The following HMGCS1 variants were observed in gnomAD, a reference collection of about 807,000 sequenced individuals.
HMGCS1 encodes hydroxymethylglutaryl-CoA synthase, cytoplasmic.
HMGCS1 carries 9 observed loss-of-function variants against 52.3 expected under a neutral mutation model. The observed-to-expected ratio is 0.17, with a 90% confidence interval of 0.10 to 0.30. HMGCS1 has a LOEUF of 0.30. Ranked by LOEUF, HMGCS1 falls within the 10% of genes least tolerant of loss-of-function variation. HMGCS1 has a pLI of 1.00. For synonymous variants in HMGCS1, 176 were observed against 214.4 expected (o/e 0.82, Z 1.57); for missense variants, 320 against 620.9 (o/e 0.52, Z 5.15).
chr5:43,305,008 C>T (rs1195944125), intron 2 of HMGCS1, among the ~76,000 whole-genome samples: 3 of 150,538 alleles, frequency 2.0e-5, no homozygotes, highest in Non-Finnish European at 4.4e-5. Context: ...TTTTTTGAGA[C>T]GGAGTTTCGC....
chr5:43,310,139 C>G (rs1017390169), intron 1 of HMGCS1, among the ~76,000 whole-genome samples: 4 of 152,198 alleles, frequency 2.6e-5, no homozygotes, highest in African/African-American at 9.7e-5. Context: ...CAAGTAAAAA[C>G]TAATGTTAAG....
chr5:43,305,407 A>T (rs546786137), intron 2 of HMGCS1, among the ~76,000 whole-genome samples: 104 of 152,352 alleles, frequency 6.8e-4, no homozygotes, highest in Admixed American at 3.7e-3. Context: ...TACAGGTCTG[A>T]GGTGCTCACA....
rs946341483 is a variant in HMGCS1, at chr5:43,290,931, A to C, written c.*200T>G. 7 of 543,836 alleles carry C rather than the reference A, an allele frequency of 1.3e-5. No homozygotes were observed. The highest frequency in any genetic ancestry group is 2.3e-5 in the Non-Finnish European group (7 of 302,476). The allele number at this position is 543,836 out of a possible 1,614,324, so 33.7% of individuals were successfully genotyped here. On this transcript the variant is annotated 3_prime_UTR_variant, in exon 11 of 11. Transcript: ENST00000325110. ...GTACATTTGGCATTGGCCAGACCAC[A>C]ACAGGAAGCATGTCAGCAAATAGAG...
At chr5:43,306,753 C>T (rs1487261716) in intron 2 of HMGCS1, among the ~76,000 whole-genome samples, 1 of 152,180 alleles carries the variant, frequency 6.6e-6, no homozygotes, top group East Asian at 1.9e-4. Flanking sequence ...CCAAGTTTCT[C>T]CTCTATTATT....
At chr5:43,293,115 A>T in intron 8 of HMGCS1, 142 bp from the exon 9 acceptor site, 1 of 652,018 alleles carries the variant, frequency 1.5e-6, no homozygotes, top group Non-Finnish European at 2.6e-6. Flanking sequence ...TTAAAAGATA[A>T]GATGATACCT....
Position 43,298,226 on chromosome 5 carries a change from G to A in HMGCS1, c.449-92C>T. ...GTCTGTTATATTTTCCCCAGAATAT[G>A]CTTTTCCCTTCTTTGATAAAGAAAG... On this transcript the variant is annotated intron_variant, in intron 3 of 10. Transcript: ENST00000325110. This position sits in a 1 kb window ranked among gnomAD's most constrained non-coding sequence, Gnocchi z 5.6. The A allele has an allele frequency of 8.9e-7, 1 of 1,126,626 alleles. No homozygotes were observed. The highest frequency in any genetic ancestry group is 1.3e-6 in the Non-Finnish European group (1 of 790,364). The allele number at this position is 1,126,626 out of a possible 1,614,324, so 69.8% of individuals were successfully genotyped here.
rs762609462 is a variant in HMGCS1, at chr5:43,292,908, C to A, written c.1249G>T (p.Gly417Cys). The A allele has an allele frequency of 2.5e-6, 4 of 1,610,792 alleles. No homozygotes were observed. The highest frequency in any genetic ancestry group is 2.5e-6 in the Non-Finnish European group (3 of 1,178,968). ...TCAGCGAAGACATCTGGTGCCACAC[C>A]AGTTCTTGAATCAAGCCTTGATTTA... The part of the protein sequence containing the change: ...DLKSRLDSRT[G>C]VAPDVFAENM... The change falls in exon 9 of 11, where the codon GGT (glycine) becomes TGT (cysteine). Residue 417 changes from glycine (G) to cysteine (C), a missense_variant. Transcript: ENST00000325110.
intron 2 of HMGCS1, among the ~76,000 whole-genome samples, chr5:43,299,847 A>G (rs1333069947): frequency 1.3e-5 from 2 of 152,196 alleles, no homozygotes; most frequent in Admixed American, 6.5e-5. Context: ...AGCTTCTTTA[A>G]CAGGTTGTAT....
At chr5:43,291,725 AAGG>A (rs1255758542) in intron 10 of HMGCS1, among the ~76,000 whole-genome samples, 2 of 152,182 alleles carry the variant, frequency 1.3e-5, no homozygotes, top group African/African-American at 2.4e-5. Context: ...TATAAACTTC[AAGG>A]AGGTTGTTGT....
At chr5:43,297,437 T>TA (rs1754085960) in intron 4 of HMGCS1, among the ~76,000 whole-genome samples, 2 of 152,294 alleles carry the variant, frequency 1.3e-5, no homozygotes, top group Middle Eastern at 3.4e-3. Flanking sequence ...GAAGACAAAT[T>TA]AAAATTGCCA....
Position 43,291,104 on chromosome 5 carries a change from C to CT in HMGCS1, c.*26dup. On this transcript the variant is annotated 3_prime_UTR_variant, in exon 11 of 11. Coordinates refer to ENST00000325110, the MANE Select transcript of HMGCS1 (RefSeq NM_001098272.3). ...ACCCCCACCCCATGCCCACCCCACC[C>CT]TGAAGTCTTGCACCTCACAGAGTAT... 1 of 1,211,984 alleles carries CT rather than the reference C, an allele frequency of 8.3e-7. No individual in the cohort carries two copies. Among genetic ancestry groups the CT allele is most frequent in the Non-Finnish European group, 1.2e-6 (1 of 814,342 alleles). The allele number at this position is 1,211,984 out of a possible 1,614,324, so 75.1% of individuals were successfully genotyped here.
At chr5:43,311,266 G>A (rs1189285633) in intron 1 of HMGCS1, among the ~76,000 whole-genome samples, 1 of 148,314 alleles carries the variant, frequency 6.7e-6, no homozygotes, top group Non-Finnish European at 1.5e-5. Context: ...GTTGCAGTGA[G>A]CCGAGATCAC....
intron 2 of HMGCS1, among the ~76,000 whole-genome samples, chr5:43,301,483 A>C (rs1754314844): frequency 6.6e-6 from 1 of 152,266 alleles, no homozygotes; most frequent in Non-Finnish European, 1.5e-5. Context: ...AAAATGAAAC[A>C]GAAAAGAATA....
At chr5:43,294,573 G>A (rs1277242640) in intron 7 of HMGCS1, 118 bp downstream of exon 7, 3 of 638,964 alleles carry the variant, frequency 4.7e-6, no homozygotes, top group African/African-American at 1.9e-5. Context: ...AGATTAGAGA[G>A]CCTCAAGATA....
Position 43,294,410 on chromosome 5 carries a change from T to G in HMGCS1, c.1077-248A>C, listed in dbSNP as rs925055131. 4 of 517,408 alleles carry G rather than the reference T, an allele frequency of 7.7e-6. No homozygotes were observed. In the African/African-American group the frequency reaches 7.8e-5, roughly 10 times the overall value. 32.1% of individuals were successfully genotyped at this position (517,408 alleles called of 1,614,324 possible). A position where few individuals can be genotyped will look rare whatever the true frequency, so the allele number is the denominator to read the frequency against. ...GTGAAAGTCATGCCACAAAACAAGT[T>G]ACTTCATCAACCAGGTATTTATGGT... On this transcript the variant is annotated intron_variant, in intron 7 of 10. Transcript: ENST00000325110.
At chr5:43,312,639 A>C (rs1013101319) in intron 1 of HMGCS1, among the ~76,000 whole-genome samples, 1 of 152,130 alleles carries the variant, frequency 6.6e-6, no homozygotes, top group African/African-American at 2.4e-5. Context: ...AGGTATTAGT[A>C]GGAGAGAGAT....
intron 5 of HMGCS1, among the ~76,000 whole-genome samples, chr5:43,296,586 A>G (rs940308651): frequency 6.6e-6 from 1 of 152,244 alleles, no homozygotes; most frequent in Non-Finnish European, 1.5e-5. Flanking sequence ...TAAAAAAACA[A>G]ATACAAATTC....
rs1753728617 is a variant in HMGCS1, at chr5:43,290,930, C to G, written c.*201G>C. The G allele has an allele frequency of 1.8e-6, 1 of 541,498 alleles. No homozygotes were observed. Among genetic ancestry groups the G allele is most frequent in the African/African-American group, 1.9e-5 (1 of 53,130 alleles). 33.5% of individuals were successfully genotyped at this position (541,498 alleles called of 1,614,324 possible). On this transcript the variant is annotated 3_prime_UTR_variant, in exon 11 of 11. Coordinates refer to ENST00000325110, the MANE Select transcript of HMGCS1 (RefSeq NM_001098272.3). ...AGTACATTTGGCATTGGCCAGACCACAACAGGAAGCATGTCAGCAAATAGA... is the reference window on the plus strand; with the variant it reads ...AGTACATTTGGCATTGGCCAGACCAGAACAGGAAGCATGTCAGCAAATAGA...
chr5:43,293,556 GA>G (rs1201202223), intron 8 of HMGCS1, among the ~76,000 whole-genome samples: 3 of 101,662 alleles, frequency 3.0e-5, no homozygotes, highest in African/African-American at 5.8e-5. Context: ...AGATAAGGTA[GA>G]ATTTTTTTTT....
Sources: allele counts gnomAD v4.1 joint callset (sites outside exome capture counted in the v4.1 genomes callset), GRCh38; gene constraint gnomAD v4.1.1; non-coding constraint Gnocchi (gnomAD v3.1); transcripts MANE v1.5; gene names NCBI Gene and HGNC (gene_info 2026-07-23, HGNC 2026-07-21).